Variants in RYR3 observed in about 807,000 individuals in gnomAD.
RYR3 encodes ryanodine receptor 3.
A neutral mutation model predicts 584.3 loss-of-function variants in RYR3; 207 were observed. The ratio of observed to expected loss-of-function variants is 0.35; its 90% CI spans 0.32 to 0.40. The LOEUF (loss-of-function observed/expected upper bound fraction) is 0.40. Ranked by LOEUF, RYR3 falls within the 10% of genes least tolerant of loss-of-function variation. The probability of loss-of-function intolerance (pLI) is 1.00; values close to 1 mark genes in which losing one functional copy is unlikely to be tolerated. For missense variants in RYR3, 5,616 were observed against 6,089.2 expected (o/e 0.92, Z 2.59); for synonymous variants, 2,416 against 2,248.5 (o/e 1.07, Z -2.11).
intron 1 of RYR3, among the ~76,000 whole-genome samples, chr15:33,338,040 G>A (rs1971354986): frequency 6.8e-6 from 1 of 147,710 alleles, no homozygotes; most frequent in Non-Finnish European, 1.5e-5. Flanking sequence ...CGCCTCTTGG[G>A]TTCACGCCAT....
intron 1 of RYR3, among the ~76,000 whole-genome samples, chr15:33,341,203 T>C (rs570984623): frequency 3.7e-4 from 56 of 152,222 alleles, no homozygotes; most frequent in Middle Eastern, 3.4e-3. Flanking sequence ...TGCACCCAGC[T>C]AATTTTTGTA....
At chr15:33,534,003 G>A (rs1026133789) in intron 5 of RYR3, among the ~76,000 whole-genome samples, 1 of 152,144 alleles carries the variant, frequency 6.6e-6, no homozygotes, top group African/African-American at 2.4e-5. Context: ...TGAAAACCAT[G>A]TCATTAAGTA....
At chr15:33,765,901 T>C (rs1470896939) in intron 60 of RYR3, among the ~76,000 whole-genome samples, 1 of 152,212 alleles carries the variant, frequency 6.6e-6, no homozygotes, top group Non-Finnish European at 1.5e-5. Context: ...TGTAGTATGA[T>C]CTCCATTTTC....
intron 19 of RYR3, among the ~76,000 whole-genome samples, chr15:33,615,913 A>T (rs974406770): frequency 3.9e-5 from 6 of 152,196 alleles, no homozygotes; most frequent in African/African-American, 1.4e-4. Context: ...ACTCCTTAGG[A>T]ATAAAGAGAA....
chr15:33,636,403 T>C lies in RYR3; in HGVS notation c.3409T>C (p.Tyr1137His), dbSNP rs2061502076. Residue 1137 changes from tyrosine (Y) to histidine (H), a missense_variant, in exon 27 of 104, where the codon TAT becomes CAT. Physicochemically the swap from Tyr to His is moderately conservative, Grantham distance 83. Around this residue, in one of 9 missense-constraint regions of RYR3, gnomAD observed 152 missense variants for 200.9 expected, o/e 0.76. Transcript: ENST00000634891. ...RGQRWHQGSG[Y>H]FGRTWQPGDV... The stretch of plus-strand genomic sequence containing the variant: ...CCAGCGTTGGCATCAAGGAAGTGGG[T>C]ATTTTGGGCGTACCTGGCAGCCAGG... 1.2e-6 allele frequency: 2 copies of C among 1,613,792 alleles called. No homozygotes were observed. The highest frequency in any genetic ancestry group is 2.7e-5 in the African/African-American group (2 of 74,874).
At chr15:33,477,184 G>T (rs1420849701) in intron 2 of RYR3, among the ~76,000 whole-genome samples, 4 of 152,110 alleles carry the variant, frequency 2.6e-5, no homozygotes, top group Non-Finnish European at 4.4e-5. Flanking sequence ...GTGACCTTGG[G>T]CATTTCTAGT....
chr15:33,656,203 C>G (rs1408177268), intron 32 of RYR3, among the ~76,000 whole-genome samples: 3 of 152,210 alleles, frequency 2.0e-5, no homozygotes, highest in African/African-American at 7.2e-5. Flanking sequence ...AAAAGAATGT[C>G]CATTATTGCA....
intron 39 of RYR3, 148 bp from the exon 40 acceptor site, chr15:33,697,734 C>T (rs962834866): frequency 1.8e-6 from 1 of 567,850 alleles, no homozygotes; most frequent in Non-Finnish European, 3.2e-6. Flanking sequence ...CACATATATT[C>T]CAGCTGAACT....
chr15:33,684,199 C>A (rs7164350), intron 38 of RYR3, among the ~76,000 whole-genome samples: 3,758 of 152,302 alleles, frequency 0.025, 145 homozygotes, highest in African/African-American at 0.083. Flanking sequence ...GGTCCCTGAC[C>A]CCCATGTAGC....
At chr15:33,520,117 G>A (rs887321732) in intron 3 of RYR3, among the ~76,000 whole-genome samples, 1 of 152,192 alleles carries the variant, frequency 6.6e-6, no homozygotes, top group African/African-American at 2.4e-5. Context: ...AGGAGGATCA[G>A]ATAACAAAAT....
At chr15:33,685,836 A>G (rs1033874594) in intron 38 of RYR3, among the ~76,000 whole-genome samples, 2 of 152,232 alleles carry the variant, frequency 1.3e-5, no homozygotes, top group African/African-American at 2.4e-5. Flanking sequence ...CTGCTCCTCA[A>G]TGACTACTGG....
At chr15:33,382,612 G>A (rs899013597) in intron 1 of RYR3, among the ~76,000 whole-genome samples, 6 of 152,054 alleles carry the variant, frequency 3.9e-5, no homozygotes, top group Admixed American at 2.0e-4. Flanking sequence ...ATGAGCCACC[G>A]TGCCCACCCC....
chr15:33,571,203 C>T (rs1017141581), intron 12 of RYR3, among the ~76,000 whole-genome samples: 5 of 152,112 alleles, frequency 3.3e-5, no homozygotes, highest in Non-Finnish European at 5.9e-5. Flanking sequence ...CCGTTAAGTG[C>T]GATATTGACT....
rs1360361566 is a variant in RYR3, at chr15:33,672,945, C to T, written c.5860+2389C>T. Among the ~76,000 whole-genome samples, 6 of 152,154 alleles carry T rather than the reference C, an allele frequency of 3.9e-5. No homozygotes were observed. In the South Asian group the frequency reaches 6.2e-4, roughly 16 times the overall value. On this transcript the variant is annotated intron_variant, in intron 38 of 103. Coordinates refer to ENST00000634891, the MANE Select transcript of RYR3 (RefSeq NM_001036.6). ...TCTACCCTTACCCGTTCCAGAAAAA[C>T]GTCCGGGTGTCTGATTGTCACCAAC...
intron 11 of RYR3, among the ~76,000 whole-genome samples, chr15:33,563,903 G>A (rs1432186885): frequency 6.6e-6 from 1 of 152,148 alleles, no homozygotes; most frequent in African/African-American, 2.4e-5. Flanking sequence ...ATAAATAAGA[G>A]ACCACATAAT....
chr15:33,837,837 C>T lies in RYR3; in HGVS notation c.11857C>T (p.Gln3953Ter). The T allele has an allele frequency of 6.2e-7, 1 of 1,614,034 alleles. No individual in the cohort carries two copies. The highest frequency in any genetic ancestry group is 8.5e-7 in the Non-Finnish European group (1 of 1,179,896). Reference sequence around the variant, plus strand: ...CCAGAAGGCCATGGAAGGGCAAAAACAGTACACGCAGTCAGAGATTGACTT... The same window carrying T: ...CCAGAAGGCCATGGAAGGGCAAAAATAGTACACGCAGTCAGAGATTGACTT... ...EFQKAMEGQK[Q>*]YTQSEIDFLL... The change falls in exon 89 of 104, where the codon CAG becomes TAG. Residue 3953 changes from glutamine (Q) to a stop codon, truncating the protein, a stop_gained. Coordinates refer to ENST00000634891, the MANE Select transcript of RYR3 (RefSeq NM_001036.6). LOFTEE classifies it high-confidence loss of function.
At chr15:33,596,701 A>T (rs1196513369) in intron 16 of RYR3, among the ~76,000 whole-genome samples, 1 of 152,180 alleles carries the variant, frequency 6.6e-6, no homozygotes, top group Non-Finnish European at 1.5e-5. Context: ...TTGAAACCAT[A>T]TAATATATTA....
chr15:33,588,418 AC>A (rs2058963796), intron 16 of RYR3, among the ~76,000 whole-genome samples: 1 of 152,116 alleles, frequency 6.6e-6, no homozygotes, highest in African/African-American at 2.4e-5. Context: ...TAAATACAAA[AC>A]TTTTGCAGTG....
intron 1 of RYR3, among the ~76,000 whole-genome samples, chr15:33,435,845 A>T (rs1009937343): frequency 6.6e-6 from 1 of 152,222 alleles, no homozygotes; most frequent in African/African-American, 2.4e-5. Context: ...TACAGAACAA[A>T]GCTTCCACAG....
Sources: gnomAD v4.1 joint callset for allele counts (sites outside exome capture counted in the v4.1 genomes callset) on GRCh38, gnomAD v4.1.1 for gene constraint, gnomAD v4.1.1 regional missense constraint, MANE v1.5 for transcripts, NCBI Gene and HGNC (gene_info 2026-07-23, HGNC 2026-07-21) for gene names.